Variants in KIF26B observed in about 807,000 individuals in gnomAD.
KIF26B encodes kinesin-like protein KIF26B.
KIF26B carries 63 observed loss-of-function variants against 151.2 expected under a neutral mutation model. That is an observed-to-expected ratio of 0.42 (90% CI 0.34 to 0.51). The LOEUF (loss-of-function observed/expected upper bound fraction) is 0.51. Ranked by LOEUF, KIF26B falls within the 20% of genes least tolerant of loss-of-function variation. The probability of loss-of-function intolerance (pLI) is 0.07; values close to 1 mark genes in which losing one functional copy is unlikely to be tolerated. For missense variants in KIF26B, 2,813 were observed against 2,913.6 expected (o/e 0.97, Z 0.79); for synonymous variants, 1,357 against 1,262.1 (o/e 1.08, Z -1.59).
rs1177850502 is a variant in KIF26B at position 245,601,967 on chromosome 1, T to C, written c.1351-610T>C. On this transcript the variant is annotated intron_variant, in intron 5 of 14. Coordinates refer to ENST00000407071, the MANE Select transcript of KIF26B (RefSeq NM_018012.4). The surrounding 1 kb of genome is among the most constrained non-coding windows in gnomAD (Gnocchi z 4.4). Reference sequence around the variant, plus strand: ...CCTCCAGAGATGCACTTCCATTCTCTGAAACGACAACTTCTCTGCACTCGC... The same window carrying C: ...CCTCCAGAGATGCACTTCCATTCTCCGAAACGACAACTTCTCTGCACTCGC... Among the ~76,000 whole-genome samples, 1 of 152,208 alleles carries C rather than the reference T, an allele frequency of 6.6e-6. No homozygotes were observed. The highest frequency in any genetic ancestry group is 1.5e-5 in the Non-Finnish European group (1 of 68,032).
chr1:245,686,650 G>A lies in KIF26B; in HGVS notation c.3667G>A (p.Ala1223Thr), dbSNP rs1216044124. Residue 1223 changes from alanine (A) to threonine (T), a missense_variant, in exon 12 of 15, where the codon GCC (alanine) becomes ACC (threonine). Coordinates refer to ENST00000407071, the MANE Select transcript of KIF26B (RefSeq NM_018012.4). The surrounding 1 kb of genome is among the most constrained non-coding windows in gnomAD (Gnocchi z 5.6). ...CAGCGACTGCTCTGCACGGGCCCTG[G>A]CCTCGGGCTCGCGGCCCGTCAGCAT... The part of the protein sequence containing the change: ...FNSDCSARAL[A>T]SGSRPVSIIS... 8 of 1,611,102 alleles carry A rather than the reference G, an allele frequency of 5.0e-6. No individual in the cohort carries two copies. The highest frequency in any genetic ancestry group is 5.9e-6 in the Non-Finnish European group (7 of 1,178,934).
At chr1:245,401,598 G>A (rs1316038002) in intron 3 of KIF26B, among the ~76,000 whole-genome samples, 1 of 152,244 alleles carries the variant, frequency 6.6e-6, no homozygotes, top group East Asian at 1.9e-4. Flanking sequence ...GCTGGGCGCG[G>A]TGGCTCACGC....
chr1:245,331,987 G>A (rs1351165021), intron 2 of KIF26B, among the ~76,000 whole-genome samples: 1 of 152,256 alleles, frequency 6.6e-6, no homozygotes, highest in African/African-American at 2.4e-5. Flanking sequence ...TCAGCCGGGC[G>A]TGGTGGTGGG....
intron 4 of KIF26B, among the ~76,000 whole-genome samples, chr1:245,525,276 G>A (rs1195593991): frequency 7.2e-5 from 11 of 152,186 alleles, no homozygotes; most frequent in South Asian, 2.1e-4. Context: ...AAAGGCTCAC[G>A]TAGGAAGTGA....
intron 5 of KIF26B, among the ~76,000 whole-genome samples, chr1:245,553,961 C>T (rs186495052): frequency 6.6e-6 from 1 of 152,286 alleles, no homozygotes; most frequent in Admixed American, 6.5e-5. Context: ...TTCTGGAACC[C>T]ATCGTGGCTT....
At chr1:245,520,615 T>TCCATCCAC (rs1661079976) in intron 4 of KIF26B, among the ~76,000 whole-genome samples, 1 of 41,530 alleles carries the variant, frequency 2.4e-5, no homozygotes, top group Non-Finnish European at 8.7e-5. Context: ...CACCCACCCA[T>TCCATCCAC]CCATCCATCC....
chr1:245,192,153 T>C (rs972858974), intron 2 of KIF26B, among the ~76,000 whole-genome samples: 1 of 152,166 alleles, frequency 6.6e-6, no homozygotes. Flanking sequence ...TGTTCAGCAT[T>C]AGGGAAATGG....
chr1:245,367,509 C>T lies in KIF26B; in HGVS notation c.999+142C>T. On this transcript the variant is annotated intron_variant, in intron 3 of 14. Coordinates refer to ENST00000407071, the MANE Select transcript of KIF26B (RefSeq NM_018012.4). This position sits in a 1 kb window ranked among gnomAD's most constrained non-coding sequence, Gnocchi z 4.2. ...TTCCATGTGGCCCCCACAGAGTTCT[C>T]ATCAAGGTGCCCCACCCGGGCCTGC... 1.2e-6 allele frequency: 1 copy of T among 840,016 alleles called. No homozygotes were observed. 52.0% of individuals were successfully genotyped at this position (840,016 alleles called of 1,614,324 possible).
intron 9 of KIF26B, among the ~76,000 whole-genome samples, chr1:245,639,547 G>A (rs1470638057): frequency 6.6e-6 from 1 of 151,666 alleles, no homozygotes; most frequent in Non-Finnish European, 1.5e-5. Context: ...GTTCATTGAG[G>A]TGCAACATTA....
intron 4 of KIF26B, among the ~76,000 whole-genome samples, chr1:245,513,624 C>T (rs1264061924): frequency 7.9e-5 from 12 of 152,194 alleles, no homozygotes; most frequent in African/African-American, 1.4e-4. Flanking sequence ...CTTTGCTCAA[C>T]GATCCCACTA....
chr1:245,620,092 G>A (rs2043641907), intron 9 of KIF26B, among the ~76,000 whole-genome samples: 1 of 151,958 alleles, frequency 6.6e-6, no homozygotes, highest in Admixed American at 6.6e-5. Flanking sequence ...GTATGTTAGA[G>A]GGGGAATTAT....
intron 2 of KIF26B, among the ~76,000 whole-genome samples, chr1:245,182,709 C>T (rs1668929539): frequency 6.6e-6 from 1 of 152,256 alleles, no homozygotes; most frequent in East Asian, 1.9e-4. Flanking sequence ...CATCTCGGCT[C>T]ACTGCAACCT....
At position 245,611,777 on chromosome 1, in the gene KIF26B, G is replaced by A; in HGVS notation, c.1915-16G>A. 6.2e-7 allele frequency: 1 copy of A among 1,611,582 alleles called. No homozygotes were observed. The highest frequency in any genetic ancestry group is 1.1e-5 in the South Asian group (1 of 90,598). On this transcript the variant is annotated splice_polypyrimidine_tract_variant and intron_variant, in intron 8 of 14. Coordinates refer to ENST00000407071, the MANE Select transcript of KIF26B (RefSeq NM_018012.4). ...TCCTCAGCCTGCAGCCTCATCTCTT[G>A]GCTTCTGTCTTCCAGCTGCAGAACC...
At chr1:245,661,585 C>T (rs1021196636) in intron 10 of KIF26B, among the ~76,000 whole-genome samples, 2 of 150,796 alleles carry the variant, frequency 1.3e-5, no homozygotes, top group Non-Finnish European at 3.0e-5. Flanking sequence ...TACACACCCC[C>T]AATATATATA....
At chr1:245,285,150 G>T (rs537254984) in intron 2 of KIF26B, among the ~76,000 whole-genome samples, 1 of 152,084 alleles carries the variant, frequency 6.6e-6, no homozygotes, top group Non-Finnish European at 1.5e-5. Context: ...TTGGTGCCCC[G>T]CTGTGGGCTG....
intron 2 of KIF26B, among the ~76,000 whole-genome samples, chr1:245,351,182 C>T (rs1426367983): frequency 6.6e-6 from 1 of 152,154 alleles, no homozygotes; most frequent in African/African-American, 2.4e-5. Flanking sequence ...GAAAATGAGC[C>T]GGACATTGAG....
intron 4 of KIF26B, among the ~76,000 whole-genome samples, chr1:245,520,697 C>T (rs1661081981): frequency 6.6e-6 from 1 of 152,118 alleles, no homozygotes. Context: ...CACTGCATAG[C>T]ATGCACCATT....
chr1:245,170,469 CAT>C lies in KIF26B; in HGVS notation c.465+13788_465+13789del, dbSNP rs778520466. Among the ~76,000 whole-genome samples, 2 of 152,164 alleles carry C rather than the reference CAT, an allele frequency of 1.3e-5. No individual in the cohort carries two copies. The highest frequency in any genetic ancestry group is 2.9e-5 in the Non-Finnish European group (2 of 68,030). ...AGGGACGAAACTTATCAGAACCAAACATAGAGGGCAAATGTCTTAGCCAATTC... is the reference window on the plus strand; with the variant it reads ...AGGGACGAAACTTATCAGAACCAAACAGAGGGCAAATGTCTTAGCCAATTC... On this transcript the variant is annotated intron_variant, in intron 2 of 14. Coordinates refer to ENST00000407071, the MANE Select transcript of KIF26B (RefSeq NM_018012.4). The surrounding 1 kb of genome is among the most constrained non-coding windows in gnomAD (Gnocchi z 4.4).
In KIF26B at chr1:245,687,539, G is replaced by C. The variant is rs1266831919; in HGVS notation, c.4556G>C (p.Gly1519Ala). 6.4e-7 allele frequency: 1 copy of C among 1,568,910 alleles called. No homozygotes were observed. ...GATGGGTGTGAGATGGCCCTGCCCG[G>C]TTTGGCCACCCAGAGCCCCGTGCAT... ...VVDGCEMALP[G>A]LATQSPVHPN... Residue 1519 changes from glycine (G) to alanine (A), a missense_variant, in exon 12 of 15, where the codon GGT becomes GCT. By Grantham distance (60) the Gly-to-Ala change is moderately conservative (BLOSUM62 0). This residue lies in a region of KIF26B where 2,060 missense variants were observed against 2,088.6 expected (regional missense o/e 0.99). Coordinates refer to ENST00000407071, the MANE Select transcript of KIF26B (RefSeq NM_018012.4). The surrounding 1 kb of genome is among the most constrained non-coding windows in gnomAD (Gnocchi z 4.9).
Sources: gnomAD v4.1 joint callset for allele counts (sites outside exome capture counted in the v4.1 genomes callset) on GRCh38, gnomAD v4.1.1 for gene constraint, gnomAD v4.1.1 regional missense constraint, Gnocchi (gnomAD v3.1) non-coding constraint, MANE v1.5 for transcripts, NCBI Gene and HGNC (gene_info 2026-07-23, HGNC 2026-07-21) for gene names.